CDKL1: variants seen among roughly 807,000 people sequenced by gnomAD.
The protein encoded by CDKL1 is cyclin dependent kinase like 1.
Under a neutral mutation model 42.0 loss-of-function variants are expected in CDKL1, and 41 were observed. The observed-to-expected ratio is 0.98, with a 90% confidence interval of 0.76 to 1.27. The LOEUF (loss-of-function observed/expected upper bound fraction) is 1.27, where lower values mean the gene tolerates loss of function less well. Ranked by LOEUF, CDKL1 falls within the 50% of genes most tolerant of loss-of-function variation. The pLI is 0.00. For synonymous variants in CDKL1, 153 were observed against 158.6 expected (o/e 0.96, Z 0.26); for missense variants, 394 against 428.4 (o/e 0.92, Z 0.71).
At chr14:50,353,255 G>A (rs1246011774) in intron 3 of CDKL1, among the ~76,000 whole-genome samples, 13 of 152,172 alleles carry the variant, frequency 8.5e-5, no homozygotes, top group Admixed American at 5.2e-4. Context: ...AAATGTAAAC[G>A]ACTACCATAT....
rs186035762 is a variant in CDKL1 at position 50,330,340 on chromosome 14, G to A, written c.967-159C>T. ...AGAGAGGATTAAATGTTTCAATTTC[G>A]TCTTGGCTTTTCCTTTTAAATGTTT... On this transcript the variant is annotated intron_variant, in intron 9 of 9. Transcript: ENST00000395834. The A allele has an allele frequency of 9.3e-5, 79 of 852,026 alleles. No homozygotes were observed. The Admixed American group carries it at 1.5e-3, about 16-fold the overall frequency. The allele number at this position is 852,026 out of a possible 1,614,324, so 52.8% of individuals were successfully genotyped here.
At chr14:50,383,367 T>C (rs912254723) in intron 2 of CDKL1, among the ~76,000 whole-genome samples, 11 of 151,894 alleles carry the variant, frequency 7.2e-5, no homozygotes, top group African/African-American at 2.2e-4. Flanking sequence ...CGGGCCAATA[T>C]GGTGAAACCC....
At chr14:50,379,131 T>A (rs1014443410) in intron 2 of CDKL1, among the ~76,000 whole-genome samples, 2 of 152,108 alleles carry the variant, frequency 1.3e-5, no homozygotes, top group South Asian at 2.1e-4. Flanking sequence ...GGATTACAGG[T>A]GTGAGCCACA....
At chr14:50,366,523 C>T (rs554427462) in intron 2 of CDKL1, among the ~76,000 whole-genome samples, 10 of 152,286 alleles carry the variant, frequency 6.6e-5, no homozygotes, top group African/African-American at 2.4e-4. Flanking sequence ...TGGGAAGCCA[C>T]TGGAAGGATT....
At chr14:50,350,080 A>G (rs2033855053) in intron 3 of CDKL1, among the ~76,000 whole-genome samples, 1 of 152,052 alleles carries the variant, frequency 6.6e-6, no homozygotes, top group South Asian at 2.1e-4. Context: ...TGCTTGGCCA[A>G]TACTTTTTTT....
rs1426761731 is a variant in CDKL1, at chr14:50,326,302, T to C, written c.*3772A>G. 1 of 500,622 alleles carries C rather than the reference T, an allele frequency of 2.0e-6. No individual in the cohort carries two copies. Among genetic ancestry groups the C allele is most frequent in the Non-Finnish European group, 2.6e-6 (1 of 387,584 alleles). 31.0% of individuals were successfully genotyped at this position (500,622 alleles called of 1,614,324 possible). ...TATATTCATTTAATATGTAAATCTATAGATATCTCTTGATGTAGATATTTA... is the reference window on the plus strand; with the variant it reads ...TATATTCATTTAATATGTAAATCTACAGATATCTCTTGATGTAGATATTTA... On this transcript the variant is annotated 3_prime_UTR_variant, in exon 10 of 10. Coordinates refer to ENST00000395834, the MANE Select transcript of CDKL1 (RefSeq NM_004196.7).
chr14:50,350,218 G>C (rs190239972), intron 3 of CDKL1, among the ~76,000 whole-genome samples: 1 of 152,242 alleles, frequency 6.6e-6, no homozygotes, highest in Middle Eastern at 3.2e-3. Flanking sequence ...GCCTAAGGAA[G>C]ATGTTCTTAA....
At chr14:50,375,351 C>T (rs1036872017) in intron 2 of CDKL1, among the ~76,000 whole-genome samples, 6 of 152,332 alleles carry the variant, frequency 3.9e-5, no homozygotes, top group African/African-American at 1.4e-4. Flanking sequence ...GATACATCTC[C>T]TATATTGGAG....
intron 9 of CDKL1, chr14:50,331,565 AAGAG>A (rs1471918930): frequency 6.1e-6 from 1 of 164,910 alleles, no homozygotes; most frequent in Non-Finnish European, 1.3e-5. Context: ...GGAAGCTGCA[AAGAG>A]AAAGACTAAG....
At chr14:50,377,749 G>A in intron 2 of CDKL1, 2 of 1,234,828 alleles carry the variant, frequency 1.6e-6, no homozygotes, top group Non-Finnish European at 2.1e-6. Flanking sequence ...CACATGAGTG[G>A]TATGCGGCAA....
In CDKL1 at chr14:50,359,097, C is replaced by T. The variant is rs1013068899; in HGVS notation, c.221G>A (p.Arg74Gln). 8.7e-6 allele frequency: 14 copies of T among 1,613,026 alleles called. No homozygotes were observed. The highest frequency in any genetic ancestry group is 1.7e-5 in the Admixed American group (1 of 59,988). Residue 74 changes from arginine to glutamine, a missense_variant, in exon 3 of 10, where the codon CGG becomes CAG. Coordinates refer to ENST00000395834, the MANE Select transcript of CDKL1 (RefSeq NM_004196.7). The stretch of plus-strand genomic sequence containing the variant: ...ATATTCAAACACCAGGTGAAGCCTC[C>T]GTTTCCTCCTGAAGACTTCCAGGAG... The part of the protein sequence containing the change: ...VNLLEVFRRK[R>Q]RLHLVFEYCD...
intron 6 of CDKL1, among the ~76,000 whole-genome samples, chr14:50,339,518 G>C (rs2139390257): frequency 7.2e-6 from 1 of 138,816 alleles, no homozygotes; most frequent in South Asian, 2.6e-4. Context: ...GAGAGGGAGG[G>C]AGGAAGAGAG....
chr14:50,329,956 C>G lies in CDKL1; in HGVS notation c.*118G>C. The G allele has an allele frequency of 8.0e-7, 1 of 1,257,666 alleles. No individual in the cohort carries two copies. Among genetic ancestry groups the G allele is most frequent in the East Asian group, 2.9e-5 (1 of 34,724 alleles). 77.9% of individuals were successfully genotyped at this position (1,257,666 alleles called of 1,614,324 possible). On this transcript the variant is annotated 3_prime_UTR_variant, in exon 10 of 10. Coordinates refer to ENST00000395834, the MANE Select transcript of CDKL1 (RefSeq NM_004196.7). ...TGCCAGTTGGCCTCCCAGTTTCTTG[C>G]TTATGTTTTCTCCTGGTGTGTTTTC...
intron 2 of CDKL1, among the ~76,000 whole-genome samples, chr14:50,384,602 A>C (rs920031280): frequency 3.9e-5 from 6 of 152,100 alleles, no homozygotes; most frequent in African/African-American, 1.4e-4. Context: ...GATGGTGTGT[A>C]ACATATTGAA....
intron 2 of CDKL1, among the ~76,000 whole-genome samples, chr14:50,375,260 C>G (rs1437330669): frequency 6.6e-6 from 1 of 152,084 alleles, no homozygotes; most frequent in African/African-American, 2.4e-5. Context: ...ATAATATCCA[C>G]AAATCCATAC....
In CDKL1 at chr14:50,383,581, A is replaced by G. The variant is rs978554272; in HGVS notation, c.168+12120T>C. Among the ~76,000 whole-genome samples the G allele has an allele frequency of 7.4e-4, 112 of 151,902 alleles. 3 individuals carry two copies. The South Asian group carries it at 0.023, about 31-fold the overall frequency. On this transcript the variant is annotated intron_variant, in intron 2 of 9. Transcript: ENST00000395834. ...AAAAAAAAAACAAACAACAACAACA[A>G]CAACAACAAAATGCTGTCCACCTAG... is the stretch of plus-strand genomic sequence containing the variant.
rs1307861596 is a variant in CDKL1, at chr14:50,396,202, A to AGAAAG, written c.-335_-334insCTTTC. On this transcript the variant is annotated 5_prime_UTR_variant, in exon 2 of 10. Transcript: ENST00000395834. ...TTCCGTCTCAAAAAAAAAAAAAAAA[A>AGAAAG]AAAAAAAAAAAGAAAGAAAGAAAAG... 2 of 1,004,886 alleles carry AGAAAG rather than the reference A, an allele frequency of 2.0e-6. No individual in the cohort carries two copies. The highest frequency in any genetic ancestry group is 4.0e-5 in the African/African-American group (2 of 50,606). The allele number at this position is 1,004,886 out of a possible 1,614,324, so 62.2% of individuals were successfully genotyped here.
rs1315949379 is a variant in CDKL1 at position 50,395,725 on chromosome 14, G to A, written c.144C>T (p.Ala48=). 4.3e-6 allele frequency: 7 copies of A among 1,612,392 alleles called. No homozygotes were observed. The highest frequency in any genetic ancestry group is 1.3e-5 in the African/African-American group (1 of 74,836). ...CCTTGAGCATTCGGATTTCCCGAAG[G>A]GCAATTTTCTTTATGACAGGGTCAT... ...SEDDPVIKKI[A]LREIRMLKQL... is the part of the protein sequence containing the mutation. Residue 48 remains alanine, a synonymous_variant, in exon 2 of 10, where the codon GCC becomes GCT. Transcript: ENST00000395834.
intron 3 of CDKL1, among the ~76,000 whole-genome samples, chr14:50,350,911 G>C (rs2033882735): frequency 6.6e-6 from 1 of 152,158 alleles, no homozygotes; most frequent in African/African-American, 2.4e-5. Flanking sequence ...CTTCTGGGGA[G>C]GGCAGAATGG....
Sources: allele counts gnomAD v4.1 joint callset (sites outside exome capture counted in the v4.1 genomes callset), GRCh38; gene constraint gnomAD v4.1.1; transcripts MANE v1.5; gene names NCBI Gene and HGNC (gene_info 2026-07-23, HGNC 2026-07-21).